Variants in MTHFD2L observed in about 807,000 individuals in gnomAD.
MTHFD2L encodes bifunctional methylenetetrahydrofolate dehydrogenase/cyclohydrolase 2, mitochondrial.
A neutral mutation model predicts 34.9 loss-of-function variants in MTHFD2L; 29 were observed. The observed-to-expected ratio is 0.83, with a 90% CI of 0.62 to 1.13. The LOEUF is 1.13. Ranked by LOEUF, MTHFD2L falls within the 50% of genes most tolerant of loss-of-function variation. The probability of loss-of-function intolerance (pLI) is 0.00; values close to 1 mark genes in which losing one functional copy is unlikely to be tolerated. For synonymous variants in MTHFD2L, 167 were observed against 155.7 expected, an observed-to-expected ratio of 1.07 and a Z score of -0.54; for missense variants, 481 against 446.5, an observed-to-expected ratio of 1.08 and a Z score of -0.70.
intron 6 of MTHFD2L, among the ~76,000 whole-genome samples, chr4:74,263,506 G>T (rs1744930040): frequency 6.6e-6 from 1 of 151,802 alleles, no homozygotes; most frequent in African/African-American, 2.4e-5. Context: ...ATTTCTTTGA[G>T]CAATGGTTAG....
intron 6 of MTHFD2L, among the ~76,000 whole-genome samples, chr4:74,265,172 G>A (rs1745135223): frequency 6.6e-6 from 1 of 152,090 alleles, no homozygotes; most frequent in African/African-American, 2.4e-5. Flanking sequence ...GGTTTGGTGG[G>A]GGATTGACAC....
chr4:74,132,861 T>G (rs1261108910), intron 1 of MTHFD2L, among the ~76,000 whole-genome samples: 1 of 152,188 alleles, frequency 6.6e-6, no homozygotes, highest in African/African-American at 2.4e-5. Flanking sequence ...GCTATTATTG[T>G]TTTTGATAGA....
chr4:74,242,644 A>C (rs1741887527), intron 6 of MTHFD2L, among the ~76,000 whole-genome samples: 1 of 152,186 alleles, frequency 6.6e-6, no homozygotes, highest in Non-Finnish European at 1.5e-5. Flanking sequence ...TTGATTCTTT[A>C]TTCTGTTTTT....
chr4:74,120,712 C>T (rs1034578156), upstream of MTHFD2L, among the ~76,000 whole-genome samples: 2 of 152,212 alleles, frequency 1.3e-5, no homozygotes, highest in African/African-American at 2.4e-5. Context: ...TCTGTTCACA[C>T]AGCTCTGCAA....
chr4:74,120,452 A>T (rs1721734750), upstream of MTHFD2L, among the ~76,000 whole-genome samples: 1 of 152,226 alleles, frequency 6.6e-6, no homozygotes, highest in African/African-American at 2.4e-5. Flanking sequence ...TCTTTGAATG[A>T]TTGCATATCA....
intron 6 of MTHFD2L, among the ~76,000 whole-genome samples, chr4:74,266,167 A>G (rs1745260650): frequency 6.6e-6 from 1 of 152,196 alleles, no homozygotes; most frequent in African/African-American, 2.4e-5. Context: ...CAGAAACTCA[A>G]GCTTCATCTA....
chr4:74,206,052 C>T (rs535896635), intron 5 of MTHFD2L, among the ~76,000 whole-genome samples: 177 of 151,322 alleles, frequency 1.2e-3, no homozygotes, highest in Middle Eastern at 6.8e-3. Context: ...TAACCAAACA[C>T]GAGTCCAGAT....
intron 1 of MTHFD2L, among the ~76,000 whole-genome samples, chr4:74,136,008 C>A (rs956960759): frequency 6.6e-6 from 1 of 151,890 alleles, no homozygotes; most frequent in African/African-American, 2.4e-5. Flanking sequence ...TATGACAAAC[C>A]CATAGCTAAC....
intron 3 of MTHFD2L, among the ~76,000 whole-genome samples, chr4:74,186,458 A>AAG (rs1161820396): frequency 6.6e-6 from 1 of 150,820 alleles, no homozygotes; most frequent in Non-Finnish European, 1.5e-5. Flanking sequence ...AAAAAAAAAA[A>AAG]ACAGCTACTA....
chr4:74,224,085 C>G (rs773086623), intron 5 of MTHFD2L: 1 of 152,068 alleles, frequency 6.6e-6, no homozygotes, highest in Non-Finnish European at 1.5e-5. Context: ...TCCTGTGCAG[C>G]CTTCTGACTC....
rs552706950 is a variant in MTHFD2L, at chr4:74,222,351, A to G, written c.713-2951A>G. Among the ~76,000 whole-genome samples the G allele has an allele frequency of 1.5e-4, 23 of 152,194 alleles. 1 individual carries two copies. In the South Asian group the frequency reaches 4.8e-3, roughly 32 times the overall value. On this transcript the variant is annotated intron_variant, in intron 5 of 7. Transcript: ENST00000325278. Reference sequence around the variant, plus strand: ...AAGATCAAGGTGCCAGCATCTGGTGAGGGCCTTCTTACTGCATCATCTCAT... The same window carrying G: ...AAGATCAAGGTGCCAGCATCTGGTGGGGGCCTTCTTACTGCATCATCTCAT...
chr4:74,198,562 G>C (rs1398022691), intron 3 of MTHFD2L, among the ~76,000 whole-genome samples: 1 of 152,026 alleles, frequency 6.6e-6, no homozygotes, highest in Non-Finnish European at 1.5e-5. Context: ...TGAGTGGTAG[G>C]TGATTTAAAA....
Position 74,301,716 on chromosome 4 carries a change from C to T in MTHFD2L, c.951C>T (p.Gly317=), listed in dbSNP as rs77455847. 1,049 of 1,586,402 alleles carry T rather than the reference C, an allele frequency of 6.6e-4. 9 individuals are homozygous for T. The African/African-American group carries it at 0.013, about 20-fold the overall frequency. The change falls in exon 8 of 8, where the codon GGC becomes GGT. Residue 317 remains glycine (G), a synonymous_variant. Transcript: ENST00000325278. ...VDFEAVKKKA[G]FITPVPGGVG... is the part of the protein sequence containing the mutation. ...CATCAGCTGTTAAAAAGAAAGCTGG[C>T]TTTATCACTCCAGTTCCAGGAGGTG... is the stretch of plus-strand genomic sequence containing the variant.
At chr4:74,175,750 T>C (rs1427674518) in intron 3 of MTHFD2L, among the ~76,000 whole-genome samples, 1 of 152,040 alleles carries the variant, frequency 6.6e-6, no homozygotes, top group African/African-American at 2.4e-5. Context: ...TATCCAAGCA[T>C]TGAAAACTCT....
intron 6 of MTHFD2L, among the ~76,000 whole-genome samples, chr4:74,265,841 G>A (rs539638337): frequency 1.5e-4 from 23 of 152,248 alleles, no homozygotes; most frequent in South Asian, 8.3e-4. Context: ...GCAAGATTTC[G>A]AGAGCAATAC....
At chr4:74,294,837 G>A (rs995164065) in intron 7 of MTHFD2L, among the ~76,000 whole-genome samples, 3 of 152,072 alleles carry the variant, frequency 2.0e-5, no homozygotes, top group Admixed American at 6.6e-5. Flanking sequence ...AATAACATAG[G>A]GGGGAAAGTC....
intron 1 of MTHFD2L, among the ~76,000 whole-genome samples, chr4:74,138,016 A>AATATAC (rs1421428996): frequency 1.3e-5 from 2 of 151,898 alleles, no homozygotes; most frequent in African/African-American, 2.4e-5. Context: ...ATTACCAATG[A>AATATAC]GCTTTACACT....
At chr4:74,192,277 TCAAA>T (rs1263797270) in intron 3 of MTHFD2L, among the ~76,000 whole-genome samples, 3 of 152,136 alleles carry the variant, frequency 2.0e-5, no homozygotes, top group Non-Finnish European at 4.4e-5. Context: ...TATAAAAAAT[TCAAA>T]CATACAGGAA....
At chr4:74,212,837 C>T (rs1399124705) in intron 5 of MTHFD2L, among the ~76,000 whole-genome samples, 8 of 152,004 alleles carry the variant, frequency 5.3e-5, no homozygotes, top group Non-Finnish European at 1.2e-4. Context: ...CTAACTCTCT[C>T]TGTAGGTCTC....
Sources: allele counts gnomAD v4.1 joint callset (sites outside exome capture counted in the v4.1 genomes callset), GRCh38; gene constraint gnomAD v4.1.1; transcripts MANE v1.5; gene names NCBI Gene and HGNC (gene_info 2026-07-23, HGNC 2026-07-21).